The following TBC1D5 variants were observed in gnomAD, a reference collection of about 807,000 sequenced individuals.
TBC1D5 encodes the protein TBC1 domain family, member 5.
Under a neutral mutation model 100.3 loss-of-function variants are expected in TBC1D5, and 75 were observed. That is an observed-to-expected ratio of 0.75 (90% CI 0.62 to 0.91). The LOEUF (loss-of-function observed/expected upper bound fraction) is 0.91, where lower values mean the gene tolerates loss of function less well. TBC1D5 is among the 40% of genes least tolerant of loss of function. The probability of loss-of-function intolerance (pLI) is 0.00; values close to 1 mark genes in which losing one functional copy is unlikely to be tolerated. For synonymous variants in TBC1D5, 323 were observed against 325.6 expected, an observed-to-expected ratio of 0.99 and a Z score of 0.09; for missense variants, 910 against 942.4, an observed-to-expected ratio of 0.97 and a Z score of 0.45.
chr3:17,410,381 ATGT>A (rs1457576766), intron 4 of TBC1D5, among the ~76,000 whole-genome samples: 4 of 152,204 alleles, frequency 2.6e-5, no homozygotes, highest in Non-Finnish European at 4.4e-5. Context: ...AAAGAGATTA[ATGT>A]TGTGTCCATG....
chr3:17,404,801 A>G, intron 6 of TBC1D5, 33 bp from the exon 7 acceptor site: 1 of 1,588,702 alleles, frequency 6.3e-7, no homozygotes, highest in Non-Finnish European at 8.6e-7. Context: ...ACACACAAGG[A>G]TCAGAGGCTA....
At chr3:17,523,883 CAT>C (rs2096093858) in intron 2 of TBC1D5, among the ~76,000 whole-genome samples, 1 of 152,018 alleles carries the variant, frequency 6.6e-6, no homozygotes, top group African/African-American at 2.4e-5. Flanking sequence ...TAAAGAGAAA[CAT>C]AGTTTATCTG....
chr3:17,460,216 T>C (rs997763342), intron 3 of TBC1D5, among the ~76,000 whole-genome samples: 3 of 152,214 alleles, frequency 2.0e-5, no homozygotes, highest in African/African-American at 7.2e-5. Flanking sequence ...ATATGATCTT[T>C]ACATGTAACA....
rs575736227 is a variant in TBC1D5 at position 17,682,142 on chromosome 3, G to A, written c.-101+57201C>T. Among the ~76,000 whole-genome samples, 7 of 151,334 alleles carry A rather than the reference G, an allele frequency of 4.6e-5. No homozygotes were observed. The South Asian group carries it at 1.0e-3, about 22-fold the overall frequency. On this transcript the variant is annotated intron_variant, in intron 1 of 21. Coordinates refer to ENST00000253692, the Ensembl canonical transcript of TBC1D5. ...GAATTAGAAGATTTACAAGGCAAAC[G>A]AAGCACAAAAATTTCTTTAACAGGG... is the stretch of plus-strand genomic sequence containing the variant.
intron 2 of TBC1D5, among the ~76,000 whole-genome samples, chr3:17,516,473 A>C (rs1258729455): frequency 1.3e-5 from 2 of 152,194 alleles, no homozygotes; most frequent in Admixed American, 1.3e-4. Context: ...GTTATATAAT[A>C]AATGATTAAT....
At chr3:17,400,136 TC>T in intron 8 of TBC1D5, among the ~76,000 whole-genome samples, 1 of 152,070 alleles carries the variant, frequency 6.6e-6, no homozygotes, top group Non-Finnish European at 1.5e-5. Flanking sequence ...CAGCATCCTA[TC>T]TGTGTTATTC....
chr3:17,719,151 T>C (rs2153959913), intron 1 of TBC1D5, among the ~76,000 whole-genome samples: 3 of 152,280 alleles, frequency 2.0e-5, no homozygotes, highest in African/African-American at 7.2e-5. Flanking sequence ...TAAAGGATAA[T>C]GGCTATTTAA....
rs184553568 is a variant in TBC1D5 at position 17,459,126 on chromosome 3, C to G, written c.98-30607G>C. ...TAAAAAGCACCTTGTGTGTGGACAC[C>G]ATAGAGGATATAAATATAAGTAAGA... is the stretch of plus-strand genomic sequence containing the variant. On this transcript the variant is annotated intron_variant, in intron 3 of 21. Coordinates refer to ENST00000253692, the Ensembl canonical transcript of TBC1D5. Among the ~76,000 whole-genome samples, 32 of 152,116 alleles carry G rather than the reference C, an allele frequency of 2.1e-4. No homozygotes were observed. The East Asian group carries it at 5.6e-3, about 27-fold the overall frequency.
rs117484345 is a variant in TBC1D5, at chr3:17,358,741, T to C, written c.995+13334A>G. The stretch of plus-strand genomic sequence containing the variant: ...GGTATATTTTCTCTAACAAATTCCA[T>C]GTAGTACAATCTTTAATTTTAATTA... On this transcript the variant is annotated intron_variant, in intron 13 of 21. Coordinates refer to ENST00000253692, the Ensembl canonical transcript of TBC1D5. 3.9e-4 allele frequency among the ~76,000 whole-genome samples: 60 copies of C among 152,324 alleles called. No individual in the cohort carries two copies. The East Asian group carries it at 8.3e-3, about 21-fold the overall frequency.
intron 1 of TBC1D5, among the ~76,000 whole-genome samples, chr3:17,626,242 C>T (rs149786704): frequency 9.2e-5 from 14 of 152,252 alleles, no homozygotes; most frequent in African/African-American, 3.4e-4. Flanking sequence ...CATTCTTCAA[C>T]TATAACTAAG....
At chr3:17,709,468 C>T (rs1043558768) in intron 1 of TBC1D5, among the ~76,000 whole-genome samples, 2 of 152,140 alleles carry the variant, frequency 1.3e-5, no homozygotes, top group African/African-American at 2.4e-5. Context: ...ATTTTCAGTT[C>T]CCTATAAAAA....
chr3:17,286,399 T>C (rs139917658), intron 15 of TBC1D5, among the ~76,000 whole-genome samples: 185 of 152,362 alleles, frequency 1.2e-3, no homozygotes, highest in African/African-American at 4.2e-3. Context: ...AACATTTTTT[T>C]TGAATGTGAG....
At chr3:17,220,453 G>C (rs568584793) in intron 17 of TBC1D5, among the ~76,000 whole-genome samples, 2 of 152,156 alleles carry the variant, frequency 1.3e-5, no homozygotes, top group Admixed American at 1.3e-4. Flanking sequence ...AAGGTCCTTT[G>C]TGAACTCTCT....
intron 3 of TBC1D5, among the ~76,000 whole-genome samples, chr3:17,448,386 T>C (rs926532161): frequency 1.3e-5 from 2 of 152,236 alleles, no homozygotes; most frequent in Admixed American, 6.5e-5. Context: ...ATCATGAATA[T>C]TCTTAATAGA....
At chr3:17,316,747 A>C (rs2084749036) in intron 13 of TBC1D5, among the ~76,000 whole-genome samples, 1 of 152,160 alleles carries the variant, frequency 6.6e-6, no homozygotes, top group South Asian at 2.1e-4. Context: ...ATCTTGGGAA[A>C]ATGTCCATGA....
At chr3:17,339,545 T>C (rs897308231) in intron 13 of TBC1D5, among the ~76,000 whole-genome samples, 1 of 152,242 alleles carries the variant, frequency 6.6e-6, no homozygotes, top group Admixed American at 6.5e-5. Flanking sequence ...GAAATTTTAC[T>C]TGACCAGTAA....
intron 2 of TBC1D5, among the ~76,000 whole-genome samples, chr3:17,611,541 G>A (rs964673031): frequency 6.6e-6 from 1 of 152,144 alleles, no homozygotes; most frequent in Non-Finnish European, 1.5e-5. Flanking sequence ...CTTAGATGAA[G>A]GCATGATCAG....
intron 2 of TBC1D5, among the ~76,000 whole-genome samples, chr3:17,509,921 T>C (rs1245163928): frequency 6.6e-6 from 1 of 152,028 alleles, no homozygotes; most frequent in African/African-American, 2.4e-5. Context: ...TGTTTTAAAT[T>C]ATTTTCAACT....
chr3:17,473,646 C>T (rs368527852), intron 3 of TBC1D5, among the ~76,000 whole-genome samples: 4 of 152,130 alleles, frequency 2.6e-5, no homozygotes, highest in African/African-American at 7.2e-5. Context: ...AAAAGCTAAC[C>T]GCAGGTTCTG....
Sources: gnomAD v4.1 joint callset for allele counts (sites outside exome capture counted in the v4.1 genomes callset) on GRCh38, gnomAD v4.1.1 for gene constraint, MANE v1.5 for transcripts, NCBI Gene and HGNC (gene_info 2026-07-23, HGNC 2026-07-21) for gene names.